EDIL3: variants seen among roughly 807,000 people sequenced by gnomAD.
EDIL3 encodes EGF like and discoidin domains 3.
A neutral mutation model predicts 67.4 loss-of-function variants in EDIL3; 37 were observed. That is an observed-to-expected ratio of 0.55 (90% CI 0.42 to 0.72). The LOEUF is 0.72. Ranked by LOEUF, EDIL3 falls within the 30% of genes least tolerant of loss-of-function variation. The pLI is 0.00. For synonymous variants in EDIL3, 195 were observed against 196.3 expected (o/e 0.99, Z 0.05); for missense variants, 527 against 586.3 (o/e 0.90, Z 1.04).
chr5:84,210,409 CTAGAAT>C (rs1227605997), intron 3 of EDIL3, among the ~76,000 whole-genome samples: 6 of 151,788 alleles, frequency 4.0e-5, no homozygotes, highest in Admixed American at 2.6e-4. Flanking sequence ...ATAAATAAAT[CTAGAAT>C]TAAAGTTGGA....
chr5:84,336,682 G>C (rs1746993549), intron 1 of EDIL3, among the ~76,000 whole-genome samples: 1 of 152,094 alleles, frequency 6.6e-6, no homozygotes, highest in Non-Finnish European at 1.5e-5. Context: ...CAAGGTGAAT[G>C]GTGGTGTCTT....
intron 5 of EDIL3, among the ~76,000 whole-genome samples, chr5:84,134,749 C>A (rs988834806): frequency 6.6e-6 from 1 of 152,008 alleles, no homozygotes; most frequent in Non-Finnish European, 1.5e-5. Context: ...AAAGCAAACA[C>A]CCCAATAGGA....
chr5:84,272,557 A>G (rs993686307), intron 1 of EDIL3, among the ~76,000 whole-genome samples: 4 of 152,170 alleles, frequency 2.6e-5, no homozygotes, highest in Admixed American at 1.3e-4. Flanking sequence ...AATTCATTTA[A>G]TACACAAAAT....
chr5:84,293,508 T>C (rs869655), intron 1 of EDIL3, among the ~76,000 whole-genome samples: 40,717 of 150,766 alleles, frequency 0.27, 6,302 homozygotes, highest in Non-Finnish European at 0.35. Context: ...AGCGTAGACT[T>C]ACCCATGTAG....
chr5:84,219,706 C>A (rs900244153), intron 3 of EDIL3, among the ~76,000 whole-genome samples: 1 of 135,904 alleles, frequency 7.4e-6, no homozygotes, highest in Admixed American at 7.2e-5. Flanking sequence ...GATTTGGAAG[C>A]AAACTAAGTG....
In EDIL3 at chr5:84,260,856, C is replaced by T. The variant is rs534671932; in HGVS notation, c.68-6644G>A. Among the ~76,000 whole-genome samples, 4 of 152,272 alleles carry T rather than the reference C, an allele frequency of 2.6e-5. No homozygotes were observed. The East Asian group carries it at 7.7e-4, about 29-fold the overall frequency. ...GCAAAAAAGTAGTAATATATCACCA[C>T]AGAATGTTACCTCACTAACACAAGA... On this transcript the variant is annotated intron_variant, in intron 1 of 10. Coordinates refer to ENST00000296591, the MANE Select transcript of EDIL3 (RefSeq NM_005711.5).
chr5:84,009,954 A>C (rs112196158), intron 9 of EDIL3, among the ~76,000 whole-genome samples: 30 of 152,330 alleles, frequency 2.0e-4, no homozygotes, highest in African/African-American at 6.0e-4. Flanking sequence ...TTTATGTTTC[A>C]TTGGTAATGA....
intron 1 of EDIL3, among the ~76,000 whole-genome samples, chr5:84,326,865 TTTCA>T (rs1746769535): frequency 6.6e-6 from 1 of 152,086 alleles, no homozygotes; most frequent in South Asian, 2.1e-4. Context: ...TGTATTTATC[TTTCA>T]TTGTTTTTAA....
intron 4 of EDIL3, among the ~76,000 whole-genome samples, chr5:84,176,512 A>G (rs959055388): frequency 6.6e-6 from 1 of 151,320 alleles, no homozygotes; most frequent in African/African-American, 2.4e-5. Context: ...AAGAATGTAC[A>G]GAATGCCTTC....
chr5:84,180,612 A>T, intron 3 of EDIL3, 91 bp from the exon 4 acceptor site: 1 of 1,367,028 alleles, frequency 7.3e-7, no homozygotes, highest in African/African-American at 1.5e-5. Flanking sequence ...TTTACAGAAA[A>T]AAGTGTTCTA....
chr5:84,332,413 C>T (rs1746892145), intron 1 of EDIL3, among the ~76,000 whole-genome samples: 2 of 152,042 alleles, frequency 1.3e-5, no homozygotes, highest in Non-Finnish European at 2.9e-5. Flanking sequence ...CTGAATACTG[C>T]GATGGTTGAT....
intron 9 of EDIL3, among the ~76,000 whole-genome samples, chr5:84,039,985 T>C (rs1203758774): frequency 6.6e-6 from 1 of 152,168 alleles, no homozygotes; most frequent in Non-Finnish European, 1.5e-5. Flanking sequence ...TTCATATCAG[T>C]TATCCTTTAA....
chr5:84,096,221 C>T (rs925333366), intron 6 of EDIL3, among the ~76,000 whole-genome samples: 10 of 152,164 alleles, frequency 6.6e-5, no homozygotes, highest in Non-Finnish European at 1.3e-4. Flanking sequence ...GGGCCACCAT[C>T]CTAGAGACCC....
chr5:83,941,902 G>T lies in EDIL3; in HGVS notation c.*1517C>A, dbSNP rs1744230223. The T allele has an allele frequency of 6.6e-6, 1 of 151,924 alleles. No homozygotes were observed. The highest frequency in any genetic ancestry group is 1.5e-5 in the Non-Finnish European group (1 of 67,908). 9.4% of individuals were successfully genotyped at this position (151,924 alleles called of 1,614,324 possible). A position where few individuals can be genotyped will look rare whatever the true frequency, so the allele number is the denominator to read the frequency against. On this transcript the variant is annotated 3_prime_UTR_variant, in exon 11 of 11. Transcript: ENST00000296591. ...CTCCATATATACATCATTAAGAAAT[G>T]CTGTTAACACATGGACAGACAAGAC...
intron 9 of EDIL3, among the ~76,000 whole-genome samples, chr5:83,976,587 C>A (rs2112143991): frequency 6.6e-6 from 1 of 151,798 alleles, no homozygotes; most frequent in Non-Finnish European, 1.5e-5. Context: ...AATTATATCT[C>A]TTTTCATATT....
At chr5:84,018,925 G>A (rs1406363278) in intron 9 of EDIL3, among the ~76,000 whole-genome samples, 1 of 152,146 alleles carries the variant, frequency 6.6e-6, no homozygotes, top group African/African-American at 2.4e-5. Flanking sequence ...GGAGAAATAG[G>A]AACACTTTTA....
chr5:83,996,588 C>A (rs2112164888), intron 9 of EDIL3, among the ~76,000 whole-genome samples: 1 of 152,282 alleles, frequency 6.6e-6, no homozygotes, highest in Admixed American at 6.5e-5. Context: ...TGGGCTTTTG[C>A]TAGGTTCTGG....
intron 9 of EDIL3, among the ~76,000 whole-genome samples, chr5:83,989,169 T>C (rs779429599): frequency 5.3e-5 from 8 of 152,168 alleles, no homozygotes; most frequent in Non-Finnish European, 8.8e-5. Flanking sequence ...ACTAAGCCTA[T>C]GGCAAAATAT....
chr5:84,384,437 A>T lies in EDIL3; in HGVS notation c.-63T>A. On this transcript the variant is annotated 5_prime_UTR_variant, in exon 1 of 11. Transcript: ENST00000296591. ...GTCGTCGCGGAGGGCAGTGTAGCCG[A>T]GGTGGCAGCGCAGGGCAGCAGCAGA... 6.4e-7 allele frequency: 1 copy of T among 1,565,432 alleles called. No individual in the cohort carries two copies. Among genetic ancestry groups the T allele is most frequent in the African/African-American group, 1.4e-5 (1 of 73,468 alleles).
Sources: allele counts gnomAD v4.1 joint callset (sites outside exome capture counted in the v4.1 genomes callset), GRCh38; gene constraint gnomAD v4.1.1; transcripts MANE v1.5; gene names NCBI Gene and HGNC (gene_info 2026-07-23, HGNC 2026-07-21).